SGCZ: variants seen among roughly 807,000 people sequenced by gnomAD.
SGCZ encodes sarcoglycan zeta.
A neutral mutation model predicts 41.3 loss-of-function variants in SGCZ; 40 were observed. The ratio of observed to expected loss-of-function variants is 0.97; its 90% confidence interval spans 0.75 to 1.26. SGCZ has a LOEUF of 1.26. SGCZ is among the 50% of genes most tolerant of loss of function. The pLI, the probability that SGCZ is intolerant of heterozygous loss-of-function variation, is 0.00. For missense variants in SGCZ, 552 were observed against 369.8 expected (o/e 1.49, Z -4.04); for synonymous variants, 206 against 137.5 (o/e 1.50, Z -3.49).
chr8:14,390,945 A>C lies in SGCZ; in HGVS notation c.235-66741T>G, dbSNP rs189209382. 7.9e-5 allele frequency among the ~76,000 whole-genome samples: 12 copies of C among 152,264 alleles called. No homozygotes were observed. In the East Asian group the frequency reaches 2.3e-3, roughly 29 times the overall value. On this transcript the variant is annotated intron_variant, in intron 2 of 7. Coordinates refer to ENST00000382080, the MANE Select transcript of SGCZ (RefSeq NM_139167.4). ...GAAATAAAGTTTACACGTTCATTTA[A>C]GAAGGAAGAATAGGTTGGGGGGATA...
At chr8:14,567,742 C>A (rs1411125130) in intron 1 of SGCZ, among the ~76,000 whole-genome samples, 2 of 152,154 alleles carry the variant, frequency 1.3e-5, no homozygotes, top group Non-Finnish European at 2.9e-5. Context: ...CCGTGAAGGT[C>A]TGCAGCTTCA....
intron 3 of SGCZ, among the ~76,000 whole-genome samples, chr8:14,257,363 G>T (rs1168507376): frequency 6.9e-6 from 1 of 145,492 alleles, no homozygotes; most frequent in Non-Finnish European, 1.5e-5. Context: ...AAAAAAAGAA[G>T]AAAGAAAACA....
chr8:15,209,200 G>A (rs1372978449), intron 1 of SGCZ, among the ~76,000 whole-genome samples: 1 of 152,030 alleles, frequency 6.6e-6, no homozygotes, highest in Non-Finnish European at 1.5e-5. Flanking sequence ...ATGAATTTGT[G>A]TTGCATTGTC....
At chr8:14,825,497 A>G (rs1802271394) in intron 1 of SGCZ, among the ~76,000 whole-genome samples, 1 of 152,208 alleles carries the variant, frequency 6.6e-6, no homozygotes, top group African/African-American at 2.4e-5. Context: ...TAATTTTTCT[A>G]TACAAAATAA....
chr8:15,181,411 CA>C (rs1355804696), intron 1 of SGCZ, among the ~76,000 whole-genome samples: 1 of 151,984 alleles, frequency 6.6e-6, no homozygotes, highest in Non-Finnish European at 1.5e-5. Flanking sequence ...CCTAGATACC[CA>C]AATAAAATAG....
intron 1 of SGCZ, among the ~76,000 whole-genome samples, chr8:15,091,053 C>T (rs75469207): frequency 0.01 from 1,549 of 152,226 alleles, 23 homozygotes; most frequent in African/African-American, 0.034. Context: ...AATCTAATTA[C>T]CTGTTTTTAT....
intron 1 of SGCZ, among the ~76,000 whole-genome samples, chr8:15,110,184 C>T (rs1348883041): frequency 6.6e-6 from 1 of 152,024 alleles, no homozygotes; most frequent in Non-Finnish European, 1.5e-5. Context: ...GAATGGATTC[C>T]TGTTATTTCT....
intron 1 of SGCZ, among the ~76,000 whole-genome samples, chr8:14,796,474 G>C (rs1378468158): frequency 6.6e-6 from 1 of 151,546 alleles, no homozygotes; most frequent in Non-Finnish European, 1.5e-5. Context: ...ACTTATTTGA[G>C]TATTTTCTTT....
intron 1 of SGCZ, among the ~76,000 whole-genome samples, chr8:15,015,215 C>A (rs1412235474): frequency 6.6e-6 from 1 of 151,690 alleles, no homozygotes; most frequent in Non-Finnish European, 1.5e-5. Context: ...TGCACTCCAG[C>A]CTGAGAAACA....
intron 2 of SGCZ, among the ~76,000 whole-genome samples, chr8:14,370,266 T>A (rs1261739642): frequency 6.6e-6 from 1 of 151,996 alleles, no homozygotes; most frequent in Non-Finnish European, 1.5e-5. Context: ...ACAACTTTCA[T>A]CACATGGCTA....
chr8:14,838,599 C>T (rs1802787267), intron 1 of SGCZ, among the ~76,000 whole-genome samples: 1 of 152,146 alleles, frequency 6.6e-6, no homozygotes, highest in African/African-American at 2.4e-5. Flanking sequence ...CCTTGCTTTT[C>T]CCTTAGAATT....
intron 1 of SGCZ, among the ~76,000 whole-genome samples, chr8:14,835,652 A>G (rs1005517983): frequency 6.6e-6 from 1 of 152,166 alleles, no homozygotes; most frequent in Non-Finnish European, 1.5e-5. Context: ...TTGATATTCC[A>G]CCATTTATCA....
chr8:14,608,493 G>C (rs1184183079), intron 1 of SGCZ, among the ~76,000 whole-genome samples: 1 of 151,916 alleles, frequency 6.6e-6, no homozygotes, highest in Non-Finnish European at 1.5e-5. Flanking sequence ...GAGTGAGAGA[G>C]AGAGGAGGAG....
chr8:15,144,745 C>T (rs570706355), intron 1 of SGCZ, among the ~76,000 whole-genome samples: 16 of 152,334 alleles, frequency 1.1e-4, no homozygotes, highest in East Asian at 3.9e-4. Flanking sequence ...GCATGAGCAA[C>T]GGCGCCCAGC....
chr8:14,786,755 A>T (rs1800778876), intron 1 of SGCZ, among the ~76,000 whole-genome samples: 1 of 152,084 alleles, frequency 6.6e-6, no homozygotes, highest in Non-Finnish European at 1.5e-5. Flanking sequence ...TGAATATGTC[A>T]TAAATTAGAA....
At chr8:15,171,333 T>A (rs1799822772) in intron 1 of SGCZ, among the ~76,000 whole-genome samples, 1 of 152,206 alleles carries the variant, frequency 6.6e-6, no homozygotes, top group South Asian at 2.1e-4. Flanking sequence ...GAAAAAAGTG[T>A]CTCATGCTTG....
chr8:14,130,771 A>G (rs1803016386), intron 5 of SGCZ, among the ~76,000 whole-genome samples: 1 of 152,136 alleles, frequency 6.6e-6, no homozygotes. Context: ...TGCCAATAGA[A>G]AAAGGGACCG....
intron 3 of SGCZ, among the ~76,000 whole-genome samples, chr8:14,311,893 A>G (rs1490484768): frequency 6.6e-6 from 1 of 152,170 alleles, no homozygotes; most frequent in Non-Finnish European, 1.5e-5. Flanking sequence ...TGATCAAAAC[A>G]TAAGATTGCT....
chr8:14,140,057 A>T (rs548918736), intron 5 of SGCZ, among the ~76,000 whole-genome samples: 1 of 150,990 alleles, frequency 6.6e-6, no homozygotes, highest in Non-Finnish European at 1.5e-5. Context: ...ACGTAACAGA[A>T]CCAAAGATCA....
Sources: gnomAD v4.1 joint callset for allele counts (sites outside exome capture counted in the v4.1 genomes callset) on GRCh38, gnomAD v4.1.1 for gene constraint, MANE v1.5 for transcripts, NCBI Gene and HGNC (gene_info 2026-07-23, HGNC 2026-07-21) for gene names.